CLIC6: variants seen among roughly 807,000 people sequenced by gnomAD.
CLIC6 encodes the protein chloride intracellular channel protein 6.
CLIC6 carries 39 observed loss-of-function variants against 49.2 expected under a neutral mutation model. The ratio of observed to expected loss-of-function variants is 0.79; its 90% CI spans 0.61 to 1.04. The LOEUF is 1.04. Among genes scored for constraint, CLIC6 ranks in the 50% least tolerant of loss-of-function variants. The probability of loss-of-function intolerance (pLI) is 0.00; values close to 1 mark genes in which losing one functional copy is unlikely to be tolerated. For missense variants in CLIC6, 988 were observed against 993.1 expected (o/e 0.99, Z 0.07); for synonymous variants, 446 against 433.4 (o/e 1.03, Z -0.36).
chr21:34,707,325 C>T lies in CLIC6; in HGVS notation c.1420C>T (p.Arg474Cys), dbSNP rs770130798. The change falls in exon 2 of 6, where the codon CGT becomes TGT. Residue 474 changes from arginine (R) to cysteine (C), a missense_variant. Transcript: ENST00000349499. ...TATCGGAAATTGCCCGTTTTCTCAG[C>T]GTCTCTTTATGATTCTCTGGCTGAA... The part of the protein sequence containing the change: ...ESIGNCPFSQ[R>C]LFMILWLKGV... 5.0e-6 allele frequency: 8 copies of T among 1,613,864 alleles called. No individual in the cohort carries two copies. Among genetic ancestry groups the T allele is most frequent in the Admixed American group, 3.3e-5 (2 of 59,990 alleles).
In CLIC6 at chr21:34,670,399, G is replaced by T. The variant is rs1015698611; in HGVS notation, c.1011G>T (p.Pro337=). 2 of 1,455,336 alleles carry T rather than the reference G, an allele frequency of 1.4e-6. No individual in the cohort carries two copies. Among genetic ancestry groups the T allele is most frequent in the Non-Finnish European group, 1.8e-6 (2 of 1,104,760 alleles). The allele number at this position is 1,455,336 out of a possible 1,614,324, so 90.2% of individuals were successfully genotyped here. Reference sequence around the variant, plus strand: ...ACGCAGCGGAGGAGGCGGAGGTCCCGGGGGTAAAGGGGTCCGAAGAAGCGG... The same window carrying T: ...ACGCAGCGGAGGAGGCGGAGGTCCCTGGGGTAAAGGGGTCCGAAGAAGCGG... ...AWDAAEEAEV[P]GVKGSEEAAP... The change falls in exon 1 of 6, where the codon CCG becomes CCT. Residue 337 remains proline (P), a synonymous_variant. Transcript: ENST00000349499.
Position 34,717,250 on chromosome 21 carries a change from G to C in CLIC6, c.*768G>C, listed in dbSNP as rs2056093087. On this transcript the variant is annotated 3_prime_UTR_variant, in exon 6 of 6. Coordinates refer to ENST00000349499, the MANE Select transcript of CLIC6 (RefSeq NM_053277.3). ...TCTTTGCTCCCTCCCCTCTCTTAGA[G>C]ACTGTGCCTTCAGCAGGACTCTTAA... 6.6e-6 allele frequency: 1 copy of C among 152,220 alleles called. No homozygotes were observed. The allele number at this position is 152,220 out of a possible 1,614,324, so 9.4% of individuals were successfully genotyped here. A position where few individuals can be genotyped will look rare whatever the true frequency, so the allele number is the denominator to read the frequency against.
chr21:34,708,710 CT>C lies in CLIC6; in HGVS notation c.1622del (p.Leu541ArgfsTer23). The C allele has an allele frequency of 1.2e-6, 2 of 1,613,738 alleles. No homozygotes were observed. The highest frequency in any genetic ancestry group is 1.7e-6 in the Non-Finnish European group (2 of 1,179,600). ...TTTGAACTTTTCAAGGTATCCCAAG[CT>C]GGGGACCCAACATCCCGAATCTAAT... ...EKLAPPRYPK[L>X]GTQHPESNSA... On this transcript the variant is annotated frameshift_variant, in exon 4 of 6. Transcript: ENST00000349499. LOFTEE classifies it high-confidence loss of function.
intron 1 of CLIC6, among the ~76,000 whole-genome samples, chr21:34,685,984 G>A (rs1444103371): frequency 2.0e-5 from 3 of 152,144 alleles, no homozygotes; most frequent in Non-Finnish European, 4.4e-5. Context: ...ATATCCTACT[G>A]CTCAATGTCA....
intron 1 of CLIC6, among the ~76,000 whole-genome samples, chr21:34,690,622 G>A (rs919847720): frequency 1.3e-5 from 2 of 152,114 alleles, no homozygotes; most frequent in African/African-American, 4.8e-5. Flanking sequence ...CTGACACTGG[G>A]TTGCTGTGTT....
chr21:34,669,559 G>T lies in CLIC6; in HGVS notation c.171G>T (p.Val57=). Residue 57 remains valine, a synonymous_variant, in exon 1 of 6, where the codon GTG becomes GTT. Transcript: ENST00000349499. ...AEEAPRGAAA[V]KEAGGGGPDR... ...AGGCGCCGAGGGGCGCCGCCGCTGT[G>T]AAGGAGGCAGGAGGCGGCGGGCCAG... is the stretch of plus-strand genomic sequence containing the variant. 1 of 1,250,408 alleles carries T rather than the reference G, an allele frequency of 8.0e-7. No homozygotes were observed. Among genetic ancestry groups the T allele is most frequent in the Non-Finnish European group, 1.0e-6 (1 of 999,908 alleles). 77.5% of individuals were successfully genotyped at this position (1,250,408 alleles called of 1,614,324 possible). A position where few individuals can be genotyped will look rare whatever the true frequency, so the allele number is the denominator to read the frequency against.
At chr21:34,679,012 C>T (rs1989726040) in intron 1 of CLIC6, among the ~76,000 whole-genome samples, 1 of 152,162 alleles carries the variant, frequency 6.6e-6, no homozygotes, top group South Asian at 2.1e-4. Flanking sequence ...CTTAAAGCAA[C>T]AAACATTTTA....
intron 3 of CLIC6, 33 bp downstream of exon 3, chr21:34,708,102 A>G (rs773967865): frequency 4.3e-6 from 7 of 1,612,518 alleles, no homozygotes; most frequent in Admixed American, 1.7e-5. Context: ...TCATAACTTG[A>G]TTGTCACTTT....
chr21:34,701,976 T>C (rs1390892128), intron 1 of CLIC6, among the ~76,000 whole-genome samples: 4 of 151,528 alleles, frequency 2.6e-5, no homozygotes, highest in South Asian at 2.1e-4. Context: ...GGGTGATCTC[T>C]TAGTAGTGAG....
chr21:34,672,863 G>T lies in CLIC6; in HGVS notation c.1374+2101G>T, dbSNP rs374491891. Among the ~76,000 whole-genome samples the T allele has an allele frequency of 3.2e-4, 48 of 152,316 alleles. No individual in the cohort carries two copies. In the East Asian group the frequency reaches 6.0e-3, roughly 19 times the overall value. The stretch of plus-strand genomic sequence containing the variant: ...TACCTAGCCCTTGAGGTTACCGTGA[G>T]AAATTGAGAATTAGATTACACAAAG... On this transcript the variant is annotated intron_variant, in intron 1 of 5. Transcript: ENST00000349499.
intron 1 of CLIC6, 112 bp downstream of exon 1, chr21:34,670,874 T>A: frequency 8.3e-7 from 1 of 1,203,560 alleles, no homozygotes; most frequent in Non-Finnish European, 1.1e-6. Context: ...ATCCTGATTG[T>A]CATCAGGCGC....
At chr21:34,679,602 G>A (rs187448775) in intron 1 of CLIC6, among the ~76,000 whole-genome samples, 367 of 152,252 alleles carry the variant, frequency 2.4e-3, no homozygotes, top group Middle Eastern at 0.017. Flanking sequence ...CTCCACCTAT[G>A]AGCCTGTAAA....
chr21:34,672,626 T>G (rs561899087), intron 1 of CLIC6, among the ~76,000 whole-genome samples: 3 of 152,302 alleles, frequency 2.0e-5, no homozygotes, highest in South Asian at 2.1e-4. Context: ...CATCATTCTA[T>G]CTCCAGCGCA....
intron 1 of CLIC6, 104 bp downstream of exon 1, chr21:34,670,866 C>T: frequency 7.8e-7 from 1 of 1,287,492 alleles, no homozygotes; most frequent in Non-Finnish European, 1.0e-6. Context: ...TTGGTGGTAT[C>T]CTGATTGTCA....
At chr21:34,677,152 T>A (rs1989688505) in intron 1 of CLIC6, among the ~76,000 whole-genome samples, 1 of 152,234 alleles carries the variant, frequency 6.6e-6, no homozygotes, top group South Asian at 2.1e-4. Flanking sequence ...CATTTTAATT[T>A]GGAGCTGTTG....
chr21:34,709,695 T>TCA (rs1222751493), intron 5 of CLIC6, among the ~76,000 whole-genome samples, 157 bp downstream of exon 5: 3 of 152,224 alleles, frequency 2.0e-5, no homozygotes, highest in Non-Finnish European at 4.4e-5. Flanking sequence ...GCCCCAGCTT[T>TCA]CACACACACA....
At chr21:34,675,712 A>G (rs899944752) in intron 1 of CLIC6, among the ~76,000 whole-genome samples, 6 of 152,082 alleles carry the variant, frequency 3.9e-5, no homozygotes, top group Non-Finnish European at 8.8e-5. Flanking sequence ...ACTCAGTGAG[A>G]GCCCTATCGT....
intron 1 of CLIC6, among the ~76,000 whole-genome samples, chr21:34,699,915 C>T (rs1990157164): frequency 6.6e-6 from 1 of 152,086 alleles, no homozygotes; most frequent in South Asian, 2.1e-4. Context: ...TTAAATAGAG[C>T]CCAAAGATTG....
intron 1 of CLIC6, among the ~76,000 whole-genome samples, chr21:34,703,562 C>A (rs1165471831): frequency 6.6e-6 from 1 of 152,154 alleles, no homozygotes; most frequent in East Asian, 1.9e-4. Context: ...ACTGGAGAGG[C>A]CATTTGCCTG....
Sources: gnomAD v4.1 joint callset for allele counts (sites outside exome capture counted in the v4.1 genomes callset) on GRCh38, gnomAD v4.1.1 for gene constraint, MANE v1.5 for transcripts, NCBI Gene and HGNC (gene_info 2026-07-23, HGNC 2026-07-21) for gene names.